The following GSE1 variants were observed in gnomAD, a reference collection of about 807,000 sequenced individuals.
The protein encoded by GSE1 is genetic suppressor element 1.
Under a neutral mutation model 112.6 loss-of-function variants are expected in GSE1, and 32 were observed. That is an observed-to-expected ratio of 0.28 (90% CI 0.21 to 0.38). GSE1 has a LOEUF of 0.38. Ranked by LOEUF, GSE1 falls within the 10% of genes least tolerant of loss-of-function variation. The pLI is 1.00. For missense variants in GSE1, 2,348 were observed against 1,699.2 expected (o/e 1.38, Z -6.71); for synonymous variants, 1,115 against 735.6 (o/e 1.52, Z -8.35).
intron 1 of GSE1, among the ~76,000 whole-genome samples, chr16:85,598,201 A>ATC (rs2047319138): frequency 9.1e-6 from 1 of 109,990 alleles, no homozygotes; most frequent in Non-Finnish European, 1.7e-5. Flanking sequence ...TCACTTTCTC[A>ATC]TCTCTCAGCA....
chr16:85,618,223 C>T (rs2048502689), intron 1 of GSE1, among the ~76,000 whole-genome samples: 1 of 152,048 alleles, frequency 6.6e-6, no homozygotes, highest in Non-Finnish European at 1.5e-5. Context: ...GGGGTGCGTG[C>T]TAATGGTGAC....
At chr16:85,509,297 G>C (rs576638230) in intron 2 of GSE1, among the ~76,000 whole-genome samples, 2 of 152,340 alleles carry the variant, frequency 1.3e-5, no homozygotes, top group East Asian at 1.9e-4. Context: ...TGGGAAGGCA[G>C]TGTTGGTGGG....
At position 85,661,311 on chromosome 16, in the gene GSE1, C is replaced by T. The variant is rs1253714623; in HGVS notation, c.1806C>T (p.Ser602=). ...CCTTGGAGACGCGGCGGGCCGAAAG[C>T]CACTCTCTGCACAGCCACCCGGCTG... is the stretch of plus-strand genomic sequence containing the variant. ...DNTLETRRAE[S]HSLHSHPAAF... The change falls in exon 9 of 16, where the codon AGC becomes AGT. Residue 602 remains serine (S), a synonymous_variant. Transcript: ENST00000253458. 1 of 1,612,720 alleles carries T rather than the reference C, an allele frequency of 6.2e-7. No individual in the cohort carries two copies. Among genetic ancestry groups the T allele is most frequent in the South Asian group, 1.1e-5 (1 of 91,040 alleles).
chr16:85,491,721 G>T (rs1367690450), intron 2 of GSE1, among the ~76,000 whole-genome samples: 1 of 152,080 alleles, frequency 6.6e-6, no homozygotes, highest in African/African-American at 2.4e-5. Flanking sequence ...GGTACCCCGA[G>T]TCCTCCTGGG....
chr16:85,272,561 G>A (rs1365027111), intron 1 of GSE1, among the ~76,000 whole-genome samples: 1 of 152,116 alleles, frequency 6.6e-6, no homozygotes, highest in Non-Finnish European at 1.5e-5. Context: ...TCAGGCCCAG[G>A]CAGTGGGAGG....
At chr16:85,250,677 T>A (rs1322587733) in intron 1 of GSE1, among the ~76,000 whole-genome samples, 1 of 152,240 alleles carries the variant, frequency 6.6e-6, no homozygotes, top group Non-Finnish European at 1.5e-5. Flanking sequence ...TGAGATATAA[T>A]TCACATATCA....
Position 85,357,322 on chromosome 16 carries a change from G to T in GSE1, c.2284-141G>T, listed in dbSNP as rs908676317. ...TGAGGACCTGCTCTGCTGTTGCCCT[G>T]AGCCAGCCAGTCTGAGTTCCTGATC... is the stretch of plus-strand genomic sequence containing the variant. On this transcript the variant is annotated intron_variant, in intron 1 of 2. Transcript: ENST00000637419. The T allele has an allele frequency of 1.0e-5, 4 of 401,512 alleles. No homozygotes were observed. The East Asian group carries it at 4.0e-4, about 40-fold the overall frequency. 24.9% of individuals were successfully genotyped at this position (401,512 alleles called of 1,614,324 possible). A position where few individuals can be genotyped will look rare whatever the true frequency, so the allele number is the denominator to read the frequency against.
chr16:85,613,863 G>T (rs912533988), intron 1 of GSE1, among the ~76,000 whole-genome samples: 6 of 147,014 alleles, frequency 4.1e-5, no homozygotes, highest in African/African-American at 1.2e-4. Context: ...GGGGTGTGGG[G>T]GGGGGGGGTG....
intron 1 of GSE1, among the ~76,000 whole-genome samples, chr16:85,574,714 CTG>C (rs1381584928): frequency 1.3e-5 from 2 of 152,244 alleles, no homozygotes; most frequent in African/African-American, 4.8e-5. Context: ...TCGGAAAACA[CTG>C]TGTCCTGTCC....
At chr16:85,267,158 C>A (rs1251907387) in intron 1 of GSE1, among the ~76,000 whole-genome samples, 2 of 152,182 alleles carry the variant, frequency 1.3e-5, no homozygotes, top group Admixed American at 6.5e-5. Flanking sequence ...GGAGCAGCGG[C>A]GGTGGCTGCC....
At chr16:85,198,281 G>GGA (rs1029503593) in intron 1 of GSE1, among the ~76,000 whole-genome samples, 10 of 152,344 alleles carry the variant, frequency 6.6e-5, no homozygotes, top group South Asian at 6.2e-4. Context: ...CTGTAAAAGG[G>GGA]GAGAGGAAAG....
At chr16:85,563,132 C>T (rs1158399890) in intron 1 of GSE1, among the ~76,000 whole-genome samples, 1 of 151,078 alleles carries the variant, frequency 6.6e-6, no homozygotes, top group African/African-American at 2.4e-5. Context: ...AGAGGGAGTT[C>T]GGGGGTGAGG....
At chr16:85,590,657 G>A (rs1039930953) in intron 1 of GSE1, among the ~76,000 whole-genome samples, 1 of 152,190 alleles carries the variant, frequency 6.6e-6, no homozygotes, top group Admixed American at 6.5e-5. Context: ...GTGTGTGATT[G>A]AGCATGTGTG....
chr16:85,565,767 G>C (rs988315644), intron 1 of GSE1, among the ~76,000 whole-genome samples: 12 of 152,314 alleles, frequency 7.9e-5, no homozygotes, highest in African/African-American at 2.9e-4. Flanking sequence ...AGCGGTGCTC[G>C]AACCAGGCCA....
At chr16:85,254,336 C>A (rs1010156085) in intron 1 of GSE1, among the ~76,000 whole-genome samples, 12 of 152,186 alleles carry the variant, frequency 7.9e-5, no homozygotes, top group African/African-American at 2.9e-4. Flanking sequence ...GCCCAGGTGC[C>A]TGCAGACCTG....
At chr16:85,607,986 C>A (rs74031885), upstream of GSE1, among the ~76,000 whole-genome samples, 869 of 152,292 alleles carry the variant, frequency 5.7e-3, 9 homozygotes, top group African/African-American at 0.019. Context: ...GCCTGGGGAT[C>A]TGTATTCCTC....
chr16:85,520,500 C>G (rs1598048533), intron 2 of GSE1, among the ~76,000 whole-genome samples: 1 of 151,882 alleles, frequency 6.6e-6, no homozygotes. Context: ...CGGCTCACTG[C>G]AACCTCAGCC....
intron 1 of GSE1, among the ~76,000 whole-genome samples, chr16:85,265,315 A>G (rs1908123820): frequency 6.6e-6 from 1 of 152,084 alleles, no homozygotes. Flanking sequence ...AACGGAACAG[A>G]AAGGAGTTGG....
At chr16:85,516,325 C>T (rs2051935149) in intron 2 of GSE1, among the ~76,000 whole-genome samples, 1 of 151,812 alleles carries the variant, frequency 6.6e-6, no homozygotes, top group African/African-American at 2.4e-5. Context: ...CCGGCACCCA[C>T]TCACCAGAGT....
Sources: gnomAD v4.1 joint callset for allele counts (sites outside exome capture counted in the v4.1 genomes callset) on GRCh38, gnomAD v4.1.1 for gene constraint, MANE v1.5 for transcripts, NCBI Gene and HGNC (gene_info 2026-07-23, HGNC 2026-07-21) for gene names.